The following RABL3 variants were observed in gnomAD, a reference collection of about 807,000 sequenced individuals.
RABL3 encodes RAB, member of RAS oncogene family like 3.
In RABL3, 31 loss-of-function variants were observed where a neutral mutation model predicts 31.8. That is an observed-to-expected ratio of 0.97 (90% confidence interval 0.73 to 1.31). The LOEUF (loss-of-function observed/expected upper bound fraction) is 1.31. RABL3 is among the 40% of genes most tolerant of loss of function. The pLI is 0.00. For missense variants in RABL3, 263 were observed against 279.6 expected (o/e 0.94, Z 0.42); for synonymous variants, 97 against 99.9 (o/e 0.97, Z 0.18).
At chr3:120,715,909 G>A (rs1338520022) in intron 2 of RABL3, among the ~76,000 whole-genome samples, 1 of 152,116 alleles carries the variant, frequency 6.6e-6, no homozygotes, top group Non-Finnish European at 1.5e-5. Context: ...CACGCTAAAT[G>A]AATAGGGGCA....
chr3:120,698,421 A>G lies in RABL3; in HGVS notation c.534+2T>C, dbSNP rs1708461152. 2 of 1,611,962 alleles carry G rather than the reference A, an allele frequency of 1.2e-6. No individual in the cohort carries two copies. The highest frequency in any genetic ancestry group is 1.7e-6 in the Non-Finnish European group (2 of 1,179,114). The stretch of plus-strand genomic sequence containing the variant: ...CAAGCATGCATTAGTGAAAATACAT[A>G]CCAAATTAATTTCTTCTGGATTGAA... On this transcript the variant is annotated splice_donor_variant, in intron 5 of 7. Coordinates refer to ENST00000273375, the MANE Select transcript of RABL3 (RefSeq NM_173825.5). LOFTEE classifies it high-confidence loss of function.
chr3:120,709,236 C>G (rs1396688991), intron 3 of RABL3, among the ~76,000 whole-genome samples: 1 of 151,990 alleles, frequency 6.6e-6, no homozygotes, highest in Non-Finnish European at 1.5e-5. Context: ...GAAATTATGT[C>G]GTATATTACA....
chr3:120,691,760 C>T (rs1402534892), intron 6 of RABL3, among the ~76,000 whole-genome samples: 1 of 152,148 alleles, frequency 6.6e-6, no homozygotes, highest in African/African-American at 2.4e-5. Flanking sequence ...TGGAGATGAA[C>T]TCTAAGACAT....
intron 1 of RABL3, among the ~76,000 whole-genome samples, chr3:120,734,874 T>C (rs892425013): frequency 6.6e-6 from 1 of 152,228 alleles, no homozygotes. Flanking sequence ...TGAACCAGCC[T>C]TGCATCCCAG....
intron 5 of RABL3, among the ~76,000 whole-genome samples, chr3:120,695,704 G>C (rs1708429015): frequency 6.6e-6 from 1 of 152,074 alleles, no homozygotes; most frequent in African/African-American, 2.4e-5. Flanking sequence ...ACAGCAATTG[G>C]GGCATATAAG....
chr3:120,702,716 CCT>C (rs571956854), intron 4 of RABL3, among the ~76,000 whole-genome samples: 229 of 152,166 alleles, frequency 1.5e-3, no homozygotes, highest in Middle Eastern at 3.4e-3. Context: ...CGCCACAACG[CCT>C]GGCTAATCTT....
intron 3 of RABL3, among the ~76,000 whole-genome samples, chr3:120,708,196 G>A (rs1708573126): frequency 6.6e-6 from 1 of 151,494 alleles, no homozygotes; most frequent in South Asian, 2.1e-4. Flanking sequence ...ACAGAAATAG[G>A]TTTTTCAATA....
chr3:120,722,829 C>T (rs1337433772), intron 2 of RABL3, among the ~76,000 whole-genome samples: 2 of 151,716 alleles, frequency 1.3e-5, no homozygotes, highest in Non-Finnish European at 2.9e-5. Context: ...GCACTAAATG[C>T]CCACAAGAGA....
At position 120,730,719 on chromosome 3, in the gene RABL3, C is replaced by T. The variant is rs2107595140; in HGVS notation, c.115G>A (p.Val39Met). 1.2e-6 allele frequency: 2 copies of T among 1,613,664 alleles called. No individual in the cohort carries two copies. The highest frequency in any genetic ancestry group is 2.2e-5 in the South Asian group (2 of 91,070). ...NQVLGNPSWT[V>M]GCSVDVRVHD... is the part of the protein sequence containing the mutation. ...ACTCTGACATCCACTGAGCAGCCCACAGTCCATGATGGATTTCCCAGCACT... is the reference window on the plus strand; with the variant it reads ...ACTCTGACATCCACTGAGCAGCCCATAGTCCATGATGGATTTCCCAGCACT... Residue 39 changes from valine (V) to methionine (M), a missense_variant, in exon 2 of 8, where the codon GTG becomes ATG. By Grantham distance (21) the Val-to-Met change is conservative. Coordinates refer to ENST00000273375, the MANE Select transcript of RABL3 (RefSeq NM_173825.5).
At chr3:120,735,467 C>G (rs1392144131) in intron 1 of RABL3, among the ~76,000 whole-genome samples, 1 of 151,750 alleles carries the variant, frequency 6.6e-6, no homozygotes, top group Admixed American at 6.6e-5. Flanking sequence ...AGTGGTCTAT[C>G]AATTTTGTTG....
At chr3:120,721,688 G>C (rs754244223) in intron 2 of RABL3, among the ~76,000 whole-genome samples, 3 of 152,164 alleles carry the variant, frequency 2.0e-5, no homozygotes, top group Non-Finnish European at 4.4e-5. Context: ...CAAGTCCTTA[G>C]AGACCTACAA....
chr3:120,731,365 C>T (rs750076803), intron 1 of RABL3, among the ~76,000 whole-genome samples: 45 of 152,226 alleles, frequency 3.0e-4, no homozygotes, highest in Non-Finnish European at 5.9e-4. Context: ...CCAGTTGTCC[C>T]ACATAGTGAT....
chr3:120,716,082 T>C (rs184309599), intron 2 of RABL3, among the ~76,000 whole-genome samples: 1 of 152,372 alleles, frequency 6.6e-6, no homozygotes, highest in African/African-American at 2.4e-5. Flanking sequence ...ATTGTTAGGC[T>C]GTCCAAAGAG....
At chr3:120,732,806 A>C (rs7643599) in intron 1 of RABL3, among the ~76,000 whole-genome samples, 3 of 151,088 alleles carry the variant, frequency 2.0e-5, no homozygotes, top group South Asian at 2.1e-4. Context: ...AGTGAGAACA[A>C]GTGGTGTTTG....
chr3:120,721,424 A>G (rs2107589183), intron 2 of RABL3, among the ~76,000 whole-genome samples: 1 of 152,336 alleles, frequency 6.6e-6, no homozygotes, highest in East Asian at 1.9e-4. Flanking sequence ...TGCTGTATTC[A>G]GGAAACCCAT....
At chr3:120,736,563 G>A (rs1263594812) in intron 1 of RABL3, among the ~76,000 whole-genome samples, 2 of 152,190 alleles carry the variant, frequency 1.3e-5, no homozygotes, top group South Asian at 2.1e-4. Flanking sequence ...GTGTGAATTT[G>A]ATCCTGTCAT....
intron 2 of RABL3, among the ~76,000 whole-genome samples, chr3:120,717,571 C>A (rs1179717848): frequency 6.6e-6 from 1 of 152,128 alleles, no homozygotes; most frequent in Non-Finnish European, 1.5e-5. Context: ...CGGGTTCAAG[C>A]CATTTTCCTA....
intron 5 of RABL3, among the ~76,000 whole-genome samples, chr3:120,697,967 C>T (rs1041675731): frequency 6.6e-6 from 1 of 152,078 alleles, no homozygotes; most frequent in African/African-American, 2.4e-5. Context: ...TCAAGACTAG[C>T]CTGGGCAACA....
intron 1 of RABL3, among the ~76,000 whole-genome samples, chr3:120,741,108 TGAA>T (rs1267536550): frequency 6.6e-6 from 1 of 152,254 alleles, no homozygotes; most frequent in East Asian, 1.9e-4. Flanking sequence ...TAACGTATCA[TGAA>T]GAAGTCTGTT....
Sources: gnomAD v4.1 joint callset for allele counts (sites outside exome capture counted in the v4.1 genomes callset) on GRCh38, gnomAD v4.1.1 for gene constraint, MANE v1.5 for transcripts, NCBI Gene and HGNC (gene_info 2026-07-23, HGNC 2026-07-21) for gene names.